SCMH1: variants seen among roughly 807,000 people sequenced by gnomAD.
SCMH1 encodes the protein Scm polycomb group protein homolog 1.
Under a neutral mutation model 70.8 loss-of-function variants are expected in SCMH1, and 37 were observed. That is an observed-to-expected ratio of 0.52 (90% confidence interval 0.40 to 0.69). SCMH1 has a LOEUF of 0.69. Ranked by LOEUF, SCMH1 falls within the 30% of genes least tolerant of loss-of-function variation. SCMH1 has a pLI of 0.00. For synonymous variants in SCMH1, 292 were observed against 307.4 expected, an observed-to-expected ratio of 0.95 and a Z score of 0.52; for missense variants, 607 against 827.3, an observed-to-expected ratio of 0.73 and a Z score of 3.27.
At chr1:41,028,452 G>T in intron 14 of SCMH1, 132 bp downstream of exon 15, 1 of 1,496,408 alleles carries the variant, frequency 6.7e-7, no homozygotes, top group Non-Finnish European at 9.2e-7. Context: ...CACCTGCTGT[G>T]ATGCTGAAGC....
At chr1:41,239,215 C>T (rs1334608415) in intron 1 of SCMH1, among the ~76,000 whole-genome samples, 1 of 152,198 alleles carries the variant, frequency 6.6e-6, no homozygotes, top group Non-Finnish European at 1.5e-5. Flanking sequence ...CAACTCATCA[C>T]TTATTGTTAT....
rs187610397 is a variant in SCMH1 at position 41,086,374 on chromosome 1, T to G, written c.746-10923A>C. 4.6e-5 allele frequency among the ~76,000 whole-genome samples: 7 copies of G among 152,102 alleles called. No individual in the cohort carries two copies. In the East Asian group the frequency reaches 1.2e-3, roughly 25 times the overall value. On this transcript the variant is annotated intron_variant, in intron 8 of 14. Coordinates refer to ENST00000337495, the Ensembl canonical transcript of SCMH1. ...ACTCAGGAACAAAGTTAACAGGAAA[T>G]ATGAAAAATCCATATGAAGATAATT... is the stretch of plus-strand genomic sequence containing the variant.
chr1:41,056,931 C>T (rs549253583), intron 10 of SCMH1, among the ~76,000 whole-genome samples: 2 of 152,324 alleles, frequency 1.3e-5, no homozygotes, highest in South Asian at 4.2e-4. Context: ...CTAGAGCCCT[C>T]TGTTCTCAAC....
chr1:41,028,559 TGA>T (rs1187933367), intron 14 of SCMH1, 23 bp downstream of exon 15: 1 of 1,613,712 alleles, frequency 6.2e-7, no homozygotes, highest in African/African-American at 1.3e-5. Context: ...AGGTTCCTAC[TGA>T]GAGGTCAGGC....
At chr1:41,050,553 T>G (rs753429526) in intron 10 of SCMH1, among the ~76,000 whole-genome samples, 11 of 152,036 alleles carry the variant, frequency 7.2e-5, no homozygotes, top group African/African-American at 2.7e-4. Flanking sequence ...GGAGGTGATA[T>G]GTGGAAAGTG....
intron 6 of SCMH1, among the ~76,000 whole-genome samples, chr1:41,132,873 A>G (rs140491414): frequency 0.019 from 2,965 of 152,240 alleles, 83 homozygotes; most frequent in African/African-American, 0.068. Flanking sequence ...ATTATTTCTG[A>G]GGCCTCTGTA....
intron 1 of SCMH1, among the ~76,000 whole-genome samples, chr1:41,234,893 C>T (rs573822700): frequency 2.1e-4 from 32 of 152,236 alleles, no homozygotes; most frequent in African/African-American, 7.7e-4. Context: ...TCAGTTGTTC[C>T]TGCCCTAGTG....
intron 12 of SCMH1, among the ~76,000 whole-genome samples, chr1:41,040,766 A>C (rs1025888151): frequency 3.3e-5 from 5 of 152,160 alleles, no homozygotes; most frequent in Admixed American, 6.5e-5. Context: ...CGGGAGGCTG[A>C]GGTAGGAGAA....
chr1:41,104,036 T>C (rs656917), intron 8 of SCMH1, among the ~76,000 whole-genome samples: 98,741 of 152,094 alleles, frequency 0.65, 33,595 homozygotes, highest in African/African-American at 0.86. Context: ...CTGACCAAAA[T>C]AGAGCACTTT....
At chr1:41,059,247 C>G (rs1651707286) in intron 10 of SCMH1, among the ~76,000 whole-genome samples, 1 of 152,218 alleles carries the variant, frequency 6.6e-6, no homozygotes, top group South Asian at 2.1e-4. Context: ...CCTGGAAACC[C>G]ACAGCACTAA....
At chr1:41,095,469 G>GA (rs535713810) in intron 8 of SCMH1, among the ~76,000 whole-genome samples, 1 of 152,084 alleles carries the variant, frequency 6.6e-6, no homozygotes, top group Non-Finnish European at 1.5e-5. Flanking sequence ...TGAAAACTGG[G>GA]AAAAAAATTA....
At chr1:41,140,316 G>A (rs1379334738) in intron 6 of SCMH1, among the ~76,000 whole-genome samples, 1 of 146,566 alleles carries the variant, frequency 6.8e-6, no homozygotes, top group East Asian at 2.0e-4. Context: ...TTTTTTAGAC[G>A]CAGTCTCAGT....
chr1:41,097,267 G>C (rs980655827), intron 8 of SCMH1, among the ~76,000 whole-genome samples: 1 of 152,128 alleles, frequency 6.6e-6, no homozygotes, highest in Admixed American at 6.5e-5. Flanking sequence ...TTTAGATCTA[G>C]CATATTCTGC....
At chr1:41,205,548 C>A (rs190245451) in intron 1 of SCMH1, among the ~76,000 whole-genome samples, 10 of 152,306 alleles carry the variant, frequency 6.6e-5, no homozygotes, top group Middle Eastern at 3.4e-3. Context: ...GGGGCATCTG[C>A]CATTGCTGAG....
intron 4 of SCMH1, among the ~76,000 whole-genome samples, chr1:41,156,676 T>C (rs213738): frequency 0.76 from 116,293 of 152,074 alleles, 45,287 homozygotes; most frequent in African/African-American, 0.92. Context: ...TGAGCTCAAG[T>C]GATCTAACTG....
intron 1 of SCMH1, among the ~76,000 whole-genome samples, chr1:41,218,975 A>G (rs1573166623): frequency 1.3e-5 from 2 of 152,152 alleles, no homozygotes; most frequent in Admixed American, 1.3e-4. Context: ...AGATGGTTCA[A>G]TATGTGGGCT....
chr1:41,150,248 A>T (rs568689362), intron 5 of SCMH1, among the ~76,000 whole-genome samples: 10 of 152,322 alleles, frequency 6.6e-5, no homozygotes, highest in Non-Finnish European at 1.3e-4. Flanking sequence ...CACACCTGTA[A>T]TCCCACCACT....
intron 8 of SCMH1, among the ~76,000 whole-genome samples, chr1:41,076,514 T>G (rs144150573): frequency 6.6e-6 from 1 of 152,080 alleles, no homozygotes; most frequent in African/African-American, 2.4e-5. Context: ...TACCTCCTAG[T>G]GAGAGAGAAA....
chr1:41,110,593 C>T (rs1669037081), intron 8 of SCMH1, among the ~76,000 whole-genome samples: 1 of 152,186 alleles, frequency 6.6e-6, no homozygotes, highest in African/African-American at 2.4e-5. Flanking sequence ...TATTAAGATG[C>T]ATCTATACTG....
Sources: gnomAD v4.1 joint callset for allele counts (sites outside exome capture counted in the v4.1 genomes callset) on GRCh38, gnomAD v4.1.1 for gene constraint, MANE v1.5 for transcripts, NCBI Gene and HGNC (gene_info 2026-07-23, HGNC 2026-07-21) for gene names.